STK39: variants seen among roughly 807,000 people sequenced by gnomAD.
STK39 encodes serine/threonine kinase 39, also known as STE20/SPS1-related proline-alanine-rich protein kinase.
STK39 carries 20 observed loss-of-function variants against 77.8 expected under a neutral mutation model. That is an observed-to-expected ratio of 0.26 (90% CI 0.18 to 0.37). The LOEUF is 0.37. Ranked by LOEUF, STK39 falls within the 10% of genes least tolerant of loss-of-function variation. The pLI, the probability that STK39 is intolerant of heterozygous loss-of-function variation, is 1.00. For synonymous variants in STK39, 246 were observed against 234.1 expected (o/e 1.05, Z -0.47); for missense variants, 479 against 656.5 (o/e 0.73, Z 2.95).
chr2:168,243,269 C>A (rs1452883992), intron 1 of STK39, among the ~76,000 whole-genome samples: 4 of 152,192 alleles, frequency 2.6e-5, no homozygotes, highest in Non-Finnish European at 4.4e-5. Flanking sequence ...ATGCCCAGGG[C>A]TATTTACAAT....
In STK39 at chr2:168,167,101, C is replaced by T. The variant is rs143695712; in HGVS notation, c.430+198G>A. Among the ~76,000 whole-genome samples the T allele has an allele frequency of 3.6e-3, 553 of 152,130 alleles. 3 individuals carry two copies. The highest frequency in any genetic ancestry group is 0.013 in the African/African-American group (524 of 41,492). Reference sequence around the variant, plus strand: ...CTGGAGAAGAGGACATACACATTCTCGGAAGTTAAGCAAAATTATGAAAAG... The same window carrying T: ...CTGGAGAAGAGGACATACACATTCTTGGAAGTTAAGCAAAATTATGAAAAG... On this transcript the variant is annotated intron_variant, in intron 3 of 17. Coordinates refer to ENST00000355999, the MANE Select transcript of STK39 (RefSeq NM_013233.3).
chr2:168,161,216 T>C (rs375993935), intron 5 of STK39, among the ~76,000 whole-genome samples: 14 of 152,174 alleles, frequency 9.2e-5, no homozygotes, highest in South Asian at 2.1e-4. Flanking sequence ...TTAAGGTTAC[T>C]CTAGGGCCAA....
rs1030271185 is a variant in STK39 at position 168,095,621 on chromosome 2, T to C, written c.1090-20390A>G. 1.9e-4 allele frequency among the ~76,000 whole-genome samples: 15 copies of C among 80,744 alleles called. No homozygotes were observed. In the East Asian group the frequency reaches 3.1e-3, roughly 17 times the overall value. The allele number at this position is 80,744 out of a possible 152,430, so 53.0% of individuals were successfully genotyped here. On this transcript the variant is annotated intron_variant, in intron 10 of 17. Transcript: ENST00000355999. ...ATCTGCTAGCCACTCGTGTATCTCT[T>C]TCTTTTTTTTTTTTTTTTTTTTTAA... is the stretch of plus-strand genomic sequence containing the variant.
intron 17 of STK39, among the ~76,000 whole-genome samples, chr2:167,961,013 G>T (rs915389149): frequency 1.3e-5 from 2 of 152,198 alleles, no homozygotes; most frequent in African/African-American, 2.4e-5. Context: ...GACACTGTCA[G>T]TCTGGGGGCC....
chr2:168,163,542 T>A, intron 4 of STK39, 197 bp downstream of exon 4: 1 of 950,936 alleles, frequency 1.1e-6, no homozygotes, highest in South Asian at 4.9e-5. Context: ...GTTAAAGTAA[T>A]GTCAATACCT....
At chr2:168,067,634 C>T (rs1406603455) in intron 12 of STK39, among the ~76,000 whole-genome samples, 2 of 152,156 alleles carry the variant, frequency 1.3e-5, no homozygotes, top group African/African-American at 4.8e-5. Context: ...AAAACATCTT[C>T]CTTGACAACG....
intron 10 of STK39, among the ~76,000 whole-genome samples, chr2:168,081,696 C>A (rs1479013984): frequency 6.6e-6 from 1 of 152,134 alleles, no homozygotes; most frequent in East Asian, 1.9e-4. Context: ...GCACCCAAAT[C>A]TCATCTTGAA....
intron 1 of STK39, among the ~76,000 whole-genome samples, chr2:168,192,638 T>C (rs1689367246): frequency 6.6e-6 from 1 of 152,172 alleles, no homozygotes; most frequent in Non-Finnish European, 1.5e-5. Context: ...GTGCTGCACA[T>C]TGCTCAACTA....
Position 168,224,206 on chromosome 2 carries a change from AC to A in STK39, c.208+23021del, listed in dbSNP as rs1377696451. On this transcript the variant is annotated intron_variant, in intron 1 of 17. Transcript: ENST00000355999. ...AATAGGAAATTCTTAAACTAAAAAA[AC>A]AAACAACAAAAAAAAATCGCTTTCT... Among the ~76,000 whole-genome samples, 7 of 152,248 alleles carry A rather than the reference AC, an allele frequency of 4.6e-5. No individual in the cohort carries two copies. The South Asian group carries it at 1.0e-3, about 23-fold the overall frequency.
chr2:168,099,602 C>T (rs1686767960), intron 10 of STK39, among the ~76,000 whole-genome samples: 1 of 152,208 alleles, frequency 6.6e-6, no homozygotes, highest in Non-Finnish European at 1.5e-5. Flanking sequence ...GTAAGTTAAA[C>T]ATACATGTTT....
intron 1 of STK39, among the ~76,000 whole-genome samples, chr2:168,215,036 G>T (rs1291206832): frequency 1.3e-5 from 2 of 152,170 alleles, no homozygotes; most frequent in East Asian, 3.8e-4. Flanking sequence ...CATGATCCAT[G>T]TGTTTTCAAC....
chr2:168,111,345 A>T (rs1196992455), intron 10 of STK39, among the ~76,000 whole-genome samples: 1 of 152,204 alleles, frequency 6.6e-6, no homozygotes, highest in African/African-American at 2.4e-5. Flanking sequence ...CATCTTCCTG[A>T]AAGTTATTTT....
At chr2:168,046,139 G>A (rs1403157517) in intron 14 of STK39, among the ~76,000 whole-genome samples, 9 of 152,060 alleles carry the variant, frequency 5.9e-5, no homozygotes, top group African/African-American at 1.4e-4. Context: ...AGGCTGAGGC[G>A]GGCGGATCAC....
At chr2:168,034,618 G>C (rs1358754663) in intron 14 of STK39, among the ~76,000 whole-genome samples, 1 of 152,210 alleles carries the variant, frequency 6.6e-6, no homozygotes, top group Non-Finnish European at 1.5e-5. Context: ...GAACTCACTG[G>C]ACTAAGGGAT....
At chr2:168,220,257 A>C (rs1574567512) in intron 1 of STK39, among the ~76,000 whole-genome samples, 2 of 152,082 alleles carry the variant, frequency 1.3e-5, no homozygotes, top group East Asian at 3.9e-4. Flanking sequence ...ACAAATGCCC[A>C]ACAAAGCTGA....
intron 1 of STK39, among the ~76,000 whole-genome samples, chr2:168,192,103 G>A (rs1004691084): frequency 1.3e-5 from 2 of 152,164 alleles, no homozygotes; most frequent in African/African-American, 4.8e-5. Flanking sequence ...GCTGGCAGAG[G>A]GAAAGACCCT....
chr2:168,006,193 G>A (rs1447623221), intron 16 of STK39, among the ~76,000 whole-genome samples: 1 of 152,174 alleles, frequency 6.6e-6, no homozygotes, highest in Admixed American at 6.5e-5. Context: ...TTCTCTTCCG[G>A]TGTATACACA....
chr2:167,961,402 T>C (rs1270498980), intron 17 of STK39, among the ~76,000 whole-genome samples: 1 of 152,202 alleles, frequency 6.6e-6, no homozygotes, highest in East Asian at 1.9e-4. Context: ...TTCTCAAAAT[T>C]TGTATTCTAT....
chr2:168,240,816 G>A (rs1690740247), intron 1 of STK39, among the ~76,000 whole-genome samples: 1 of 152,220 alleles, frequency 6.6e-6, no homozygotes, highest in Admixed American at 6.5e-5. Flanking sequence ...TGTGGATCTG[G>A]GGCAGGCAAG....
Sources: allele counts gnomAD v4.1 joint callset (sites outside exome capture counted in the v4.1 genomes callset), GRCh38; gene constraint gnomAD v4.1.1; transcripts MANE v1.5; gene names NCBI Gene and HGNC (gene_info 2026-07-23, HGNC 2026-07-21).